The following PDE4D variants were observed in gnomAD, a reference collection of about 807,000 sequenced individuals.
PDE4D encodes the protein 3',5'-cyclic-AMP phosphodiesterase 4D.
In PDE4D, 24 loss-of-function variants were observed where a neutral mutation model predicts 87.4. That is an observed-to-expected ratio of 0.27 (90% confidence interval 0.20 to 0.39). The LOEUF is 0.39. Ranked by LOEUF, PDE4D falls within the 10% of genes least tolerant of loss-of-function variation. The pLI is 1.00. For synonymous variants in PDE4D, 384 were observed against 383.2 expected, an observed-to-expected ratio of 1.00 and a Z score of -0.02; for missense variants, 714 against 1,041.0, an observed-to-expected ratio of 0.69 and a Z score of 4.32.
chr5:59,386,163 G>A (rs1485010508), intron 1 of PDE4D, among the ~76,000 whole-genome samples: 4 of 152,040 alleles, frequency 2.6e-5, no homozygotes, highest in Non-Finnish European at 4.4e-5. Context: ...CAATTGATTA[G>A]GAGTCCATTC....
chr5:59,525,078 G>A (rs1180240411), intron 1 of PDE4D, among the ~76,000 whole-genome samples: 1 of 152,232 alleles, frequency 6.6e-6, no homozygotes, highest in East Asian at 1.9e-4. Flanking sequence ...GCACTGCATA[G>A]TGGAGCTGTG....
intron 5 of PDE4D, among the ~76,000 whole-genome samples, chr5:59,090,478 C>T (rs947546052): frequency 2.0e-5 from 3 of 152,114 alleles, no homozygotes; most frequent in African/African-American, 4.8e-5. Flanking sequence ...CGAAAAGATG[C>T]TCTGAAGATT....
rs1779753925 is a variant in PDE4D at position 60,133,363 on chromosome 5, C to T, written c.42+52194G>A. Among the ~76,000 whole-genome samples the T allele has an allele frequency of 3.3e-5, 5 of 152,152 alleles. No individual in the cohort carries two copies. The South Asian group carries it at 1.0e-3, about 32-fold the overall frequency. On this transcript the variant is annotated intron_variant, in intron 2 of 16. Coordinates refer to the PDE4D transcript ENST00000502484. ...AATTTTTTTTAGACGGGGTCTCGTTCTGTTGTCCAGACTGGAGTGCAGTGG... is the reference window on the plus strand; with the variant it reads ...AATTTTTTTTAGACGGGGTCTCGTTTTGTTGTCCAGACTGGAGTGCAGTGG...
At position 59,375,403 on chromosome 5, in the gene PDE4D, T is replaced by C. The variant is rs1169582293; in HGVS notation, c.456-159435A>G. Reference sequence around the variant, plus strand: ...TACAAACAACCATCAGAGAGTATTATGAACACCTTTATGCACATAAACTAG... The same window carrying C: ...TACAAACAACCATCAGAGAGTATTACGAACACCTTTATGCACATAAACTAG... On this transcript the variant is annotated intron_variant, in intron 1 of 14. Coordinates refer to ENST00000340635, the MANE Select transcript of PDE4D (RefSeq NM_001104631.2). Among the ~76,000 whole-genome samples, 2 of 152,126 alleles carry C rather than the reference T, an allele frequency of 1.3e-5. 1 individual carries two copies. Among genetic ancestry groups the C allele is most frequent in the Admixed American group, 1.3e-4 (2 of 15,272 alleles).
At chr5:59,031,807 T>A (rs1330998475) in intron 6 of PDE4D, among the ~76,000 whole-genome samples, 1 of 150,754 alleles carries the variant, frequency 6.6e-6, no homozygotes, top group Non-Finnish European at 1.5e-5. Context: ...CAGGACATTA[T>A]GCTAAGTGAG....
chr5:59,435,761 A>G (rs1427630584), intron 1 of PDE4D, among the ~76,000 whole-genome samples: 1 of 152,202 alleles, frequency 6.6e-6, no homozygotes, highest in African/African-American at 2.4e-5. Flanking sequence ...AGAACTGTCC[A>G]AGTCTTTCCT....
chr5:60,388,282 T>C (rs972169156), intron 1 of PDE4D, among the ~76,000 whole-genome samples: 15 of 152,186 alleles, frequency 9.9e-5, no homozygotes, highest in African/African-American at 3.6e-4. Flanking sequence ...AATGCCTATC[T>C]ACTCAGACTT....
chr5:60,316,161 A>C (rs896143113), intron 1 of PDE4D, among the ~76,000 whole-genome samples: 54 of 152,142 alleles, frequency 3.5e-4, no homozygotes, highest in East Asian at 9.7e-4. Flanking sequence ...CTTTTATTTC[A>C]TTAAGCAGTG....
At chr5:60,359,633 A>G (rs941915175) in intron 1 of PDE4D, among the ~76,000 whole-genome samples, 1 of 152,216 alleles carries the variant, frequency 6.6e-6, no homozygotes, top group African/African-American at 2.4e-5. Flanking sequence ...AGACTTCTTA[A>G]AATATTTGCT....
chr5:60,067,094 A>G (rs903494909), intron 2 of PDE4D, among the ~76,000 whole-genome samples: 3 of 152,118 alleles, frequency 2.0e-5, no homozygotes, highest in Non-Finnish European at 4.4e-5. Context: ...TTCTCCTCTG[A>G]TGTTTGATAT....
chr5:58,992,356 A>C (rs930761611), intron 7 of PDE4D, among the ~76,000 whole-genome samples: 12 of 152,306 alleles, frequency 7.9e-5, no homozygotes, highest in African/African-American at 2.9e-4. Context: ...TTCCTTTGTG[A>C]AACTGACTTA....
At chr5:59,657,769 T>G (rs1744611668) in intron 1 of PDE4D, among the ~76,000 whole-genome samples, 1 of 152,190 alleles carries the variant, frequency 6.6e-6, no homozygotes, top group Non-Finnish European at 1.5e-5. Flanking sequence ...AGCAGCTTAA[T>G]AAAATAAATT....
intron 6 of PDE4D, among the ~76,000 whole-genome samples, chr5:59,032,207 C>A (rs1757674246): frequency 6.6e-6 from 1 of 152,006 alleles, no homozygotes; most frequent in Non-Finnish European, 1.5e-5. Context: ...GAAATAGATA[C>A]AATTAATATT....
intron 1 of PDE4D, among the ~76,000 whole-genome samples, chr5:59,394,980 T>C (rs1320365019): frequency 6.6e-6 from 1 of 152,084 alleles, no homozygotes; most frequent in African/African-American, 2.4e-5. Flanking sequence ...GGATGGCACC[T>C]GGAGAATCGG....
chr5:60,381,375 C>T (rs1206121146), intron 1 of PDE4D, among the ~76,000 whole-genome samples: 1 of 152,180 alleles, frequency 6.6e-6, no homozygotes, highest in Non-Finnish European at 1.5e-5. Context: ...AAGCTTGCAC[C>T]TAATTTCTCC....
chr5:59,968,240 T>C (rs997589483), intron 3 of PDE4D, among the ~76,000 whole-genome samples: 1 of 133,574 alleles, frequency 7.5e-6, no homozygotes, highest in Non-Finnish European at 1.7e-5. Flanking sequence ...TGTCTCGACC[T>C]CCCAAAGTGC....
At chr5:59,289,731 G>A (rs927298494) in intron 1 of PDE4D, among the ~76,000 whole-genome samples, 1 of 151,776 alleles carries the variant, frequency 6.6e-6, no homozygotes, top group Non-Finnish European at 1.5e-5. Context: ...AAAGGAAGAA[G>A]GCAAATTATC....
chr5:60,500,120 A>G (rs1282198983), intron 1 of PDE4D, among the ~76,000 whole-genome samples: 3 of 151,884 alleles, frequency 2.0e-5, no homozygotes, highest in Admixed American at 6.6e-5. Context: ...AGCCTAGGCA[A>G]CATAGTGAGA....
intron 5 of PDE4D, among the ~76,000 whole-genome samples, chr5:59,087,763 C>T (rs545476110): frequency 6.6e-6 from 1 of 152,164 alleles, no homozygotes; most frequent in Non-Finnish European, 1.5e-5. Context: ...GTTTGAGGCT[C>T]TCTCACACCT....
Sources: allele counts gnomAD v4.1 joint callset (sites outside exome capture counted in the v4.1 genomes callset), GRCh38; gene constraint gnomAD v4.1.1; transcripts MANE v1.5; gene names NCBI Gene and HGNC (gene_info 2026-07-23, HGNC 2026-07-21).